Variants in USH2A observed in about 807,000 individuals in gnomAD.
USH2A encodes Usher syndrome 2A (autosomal recessive, mild).
USH2A carries 443 observed loss-of-function variants against 538.9 expected under a neutral mutation model. The observed-to-expected ratio is 0.82, with a 90% CI of 0.76 to 0.89. The LOEUF (loss-of-function observed/expected upper bound fraction) is 0.89, where lower values mean the gene tolerates loss of function less well. Among genes scored for constraint, USH2A ranks in the 40% least tolerant of loss-of-function variants. The probability of loss-of-function intolerance (pLI) is 0.00; values close to 1 mark genes in which losing one functional copy is unlikely to be tolerated. For missense variants in USH2A, 6,633 were observed against 6,324.8 expected, an observed-to-expected ratio of 1.05 and a Z score of -1.65; for synonymous variants, 2,413 against 2,273.5, an observed-to-expected ratio of 1.06 and a Z score of -1.75.
intron 68 of USH2A, 46 bp downstream of exon 68, chr1:215,640,512 G>A (rs767977959): frequency 6.8e-6 from 11 of 1,611,326 alleles, no homozygotes; most frequent in Non-Finnish European, 9.3e-6. Flanking sequence ...GTAAAGCTGG[G>A]GAACAGAGCG....
chr1:215,973,530 T>C (rs1422410374), intron 35 of USH2A, among the ~76,000 whole-genome samples: 1 of 152,142 alleles, frequency 6.6e-6, no homozygotes, highest in East Asian at 1.9e-4. Context: ...GATACAGGGT[T>C]CTTACCCAGC....
intron 61 of USH2A, among the ~76,000 whole-genome samples, chr1:215,727,374 A>G (rs1226468430): frequency 1.3e-5 from 2 of 152,146 alleles, no homozygotes; most frequent in Non-Finnish European, 2.9e-5. Flanking sequence ...TGAGGTATGG[A>G]GGAAAGCATT....
chr1:216,313,189 C>T (rs991565218), intron 9 of USH2A, among the ~76,000 whole-genome samples: 3 of 152,164 alleles, frequency 2.0e-5, no homozygotes, highest in African/African-American at 7.2e-5. Context: ...ATGACAACTT[C>T]ATGTCACTGC....
intron 35 of USH2A, among the ~76,000 whole-genome samples, chr1:215,980,935 C>T (rs2813726): frequency 0.8 from 121,429 of 151,936 alleles, 48,960 homozygotes; most frequent in East Asian, 0.94. Context: ...TGTCTTGAAG[C>T]GCATACACAA....
In USH2A at chr1:216,305,937, T is replaced by C. The variant is rs1456252327; in HGVS notation, c.1645-13567A>G. Among the ~76,000 whole-genome samples, 3 of 152,216 alleles carry C rather than the reference T, an allele frequency of 2.0e-5. No homozygotes were observed. In the East Asian group the frequency reaches 5.8e-4, roughly 29 times the overall value. ...ACCTGATGCTTTTGCCTCACAGCTC[T>C]TAAGATTCCTTCCTTCATCTTGACT... On this transcript the variant is annotated intron_variant, in intron 9 of 71. Coordinates refer to ENST00000307340, the MANE Select transcript of USH2A (RefSeq NM_206933.4).
At chr1:215,660,158 C>T (rs1657396764) in intron 64 of USH2A, among the ~76,000 whole-genome samples, 1 of 152,122 alleles carries the variant, frequency 6.6e-6, no homozygotes. Flanking sequence ...GAATTTGAGT[C>T]CTTCAACTTA....
chr1:215,729,689 G>A (rs1213686078), intron 60 of USH2A, among the ~76,000 whole-genome samples: 2 of 152,116 alleles, frequency 1.3e-5, no homozygotes, highest in Non-Finnish European at 2.9e-5. Context: ...GGAGTGCATT[G>A]ATGCAATCAT....
At chr1:215,689,371 C>T (rs1658528515) in intron 61 of USH2A, among the ~76,000 whole-genome samples, 2 of 152,096 alleles carry the variant, frequency 1.3e-5, no homozygotes, top group African/African-American at 4.8e-5. Flanking sequence ...TTGATTTTCC[C>T]TTTTTTGAAG....
chr1:216,018,726 T>A (rs1405535332), intron 32 of USH2A, among the ~76,000 whole-genome samples: 1 of 152,214 alleles, frequency 6.6e-6, no homozygotes, highest in Non-Finnish European at 1.5e-5. Context: ...TTTCTCCATC[T>A]TCTAATCAAT....
rs575863439 is a variant in USH2A, at chr1:216,344,906, G to A, written c.785-17252C>T. Among the ~76,000 whole-genome samples, 6 of 150,898 alleles carry A rather than the reference G, an allele frequency of 4.0e-5. No homozygotes were observed. In the South Asian group the frequency reaches 6.3e-4, roughly 16 times the overall value. On this transcript the variant is annotated intron_variant, in intron 4 of 71. Coordinates refer to ENST00000307340, the MANE Select transcript of USH2A (RefSeq NM_206933.4). ...ATACGAGATATTAACTGCTATTCTCGTTGGGTTAATCTGCCTTGCCCTCTT... is the reference window on the plus strand; with the variant it reads ...ATACGAGATATTAACTGCTATTCTCATTGGGTTAATCTGCCTTGCCCTCTT...
At chr1:215,833,528 G>A (rs1281124520) in intron 47 of USH2A, among the ~76,000 whole-genome samples, 1 of 151,850 alleles carries the variant, frequency 6.6e-6, no homozygotes, top group Non-Finnish European at 1.5e-5. Context: ...ATGCCTCAGT[G>A]TATACAAAAA....
chr1:216,329,751 G>T (rs2037816920), intron 4 of USH2A, among the ~76,000 whole-genome samples: 1 of 151,842 alleles, frequency 6.6e-6, no homozygotes, highest in African/African-American at 2.4e-5. Context: ...AATACTCCTT[G>T]TGGGGAACTT....
intron 64 of USH2A, among the ~76,000 whole-genome samples, chr1:215,662,704 T>C (rs917057120): frequency 2.0e-5 from 3 of 152,204 alleles, no homozygotes; most frequent in Non-Finnish European, 4.4e-5. Flanking sequence ...ATAAATACAC[T>C]GCCTGAGTCA....
chr1:215,651,378 G>A (rs1193251447), intron 64 of USH2A, among the ~76,000 whole-genome samples: 1 of 152,164 alleles, frequency 6.6e-6, no homozygotes, highest in East Asian at 1.9e-4. Flanking sequence ...CAGAGTAGAT[G>A]GATGTGTGAG....
At chr1:215,655,725 C>CTTTTTTTTT (rs766225635) in intron 64 of USH2A, among the ~76,000 whole-genome samples, 81 of 96,178 alleles carry the variant, frequency 8.4e-4, no homozygotes, top group Admixed American at 1.1e-3. Context: ...GCTAGTTATT[C>CTTTTTTTTT]TTTTTTTTTT....
At position 215,623,616 on chromosome 1, in the gene USH2A, G is replaced by T. The variant is rs1322444044; in HGVS notation, c.*2165C>A. 1 of 152,096 alleles carries T rather than the reference G, an allele frequency of 6.6e-6. No individual in the cohort carries two copies. Among genetic ancestry groups the T allele is most frequent in the Non-Finnish European group, 1.5e-5 (1 of 67,994 alleles). 9.4% of individuals were successfully genotyped at this position (152,096 alleles called of 1,614,324 possible). On this transcript the variant is annotated 3_prime_UTR_variant, in exon 72 of 72. Coordinates refer to ENST00000307340, the MANE Select transcript of USH2A (RefSeq NM_206933.4). Reference sequence around the variant, plus strand: ...CATGTAGCAGGGGACAGAGTTCTGGGCAGAAGCCATACAGGCTTCTGTCTG... The same window carrying T: ...CATGTAGCAGGGGACAGAGTTCTGGTCAGAAGCCATACAGGCTTCTGTCTG...
intron 30 of USH2A, among the ~76,000 whole-genome samples, chr1:216,051,071 T>C (rs2030768957): frequency 6.6e-6 from 1 of 152,148 alleles, no homozygotes; most frequent in Non-Finnish European, 1.5e-5. Context: ...CTGACTCATG[T>C]TCCTCTCACA....
chr1:216,346,234 G>A (rs1424484679), intron 4 of USH2A, among the ~76,000 whole-genome samples: 1 of 152,036 alleles, frequency 6.6e-6, no homozygotes, highest in Non-Finnish European at 1.5e-5. Flanking sequence ...AAAAACAGCA[G>A]TACCATTAAA....
chr1:215,819,068 T>C (rs1662937066), intron 47 of USH2A, among the ~76,000 whole-genome samples: 1 of 151,834 alleles, frequency 6.6e-6, no homozygotes, highest in Non-Finnish European at 1.5e-5. Flanking sequence ...CCATAAAAAT[T>C]AACTAATCAC....
Sources: gnomAD v4.1 joint callset for allele counts (sites outside exome capture counted in the v4.1 genomes callset) on GRCh38, gnomAD v4.1.1 for gene constraint, MANE v1.5 for transcripts, NCBI Gene and HGNC (gene_info 2026-07-23, HGNC 2026-07-21) for gene names.